The following CRPPA variants were observed in gnomAD, a reference collection of about 807,000 sequenced individuals.
The protein encoded by CRPPA is D-ribitol-5-phosphate cytidylyltransferase.
In CRPPA, 43 loss-of-function variants were observed where a neutral mutation model predicts 52.0. The observed-to-expected ratio is 0.83, with a 90% CI of 0.65 to 1.07. CRPPA has a LOEUF of 1.07. Among genes scored for constraint, CRPPA ranks in the 50% least tolerant of loss-of-function variants. CRPPA has a pLI of 0.00. For synonymous variants in CRPPA, 250 were observed against 203.5 expected, an observed-to-expected ratio of 1.23 and a Z score of -1.94; for missense variants, 629 against 551.7, an observed-to-expected ratio of 1.14 and a Z score of -1.40.
intron 1 of CRPPA, among the ~76,000 whole-genome samples, chr7:16,411,167 A>C (rs1255137039): frequency 1.3e-5 from 2 of 152,160 alleles, no homozygotes; most frequent in African/African-American, 4.8e-5. Context: ...CAATATCTCA[A>C]TATCCATATC....
At chr7:16,259,258 C>T (rs183829084) in intron 6 of CRPPA, among the ~76,000 whole-genome samples, 196 of 152,024 alleles carry the variant, frequency 1.3e-3, no homozygotes, top group Non-Finnish European at 1.9e-3. Context: ...AAAATATGGA[C>T]ATAAACAGAA....
chr7:16,100,426 T>C (rs1055713630), intron 9 of CRPPA, among the ~76,000 whole-genome samples: 3 of 152,204 alleles, frequency 2.0e-5, no homozygotes, highest in African/African-American at 4.8e-5. Flanking sequence ...AACTCAAACA[T>C]AGTACTATGT....
chr7:16,417,622 C>T (rs1306326755), intron 1 of CRPPA, among the ~76,000 whole-genome samples: 2 of 152,100 alleles, frequency 1.3e-5, no homozygotes, highest in African/African-American at 4.8e-5. Flanking sequence ...ACAACAGACA[C>T]TGGGGATCAC....
At chr7:16,348,823 C>T (rs1445012160) in intron 3 of CRPPA, among the ~76,000 whole-genome samples, 1 of 152,204 alleles carries the variant, frequency 6.6e-6, no homozygotes, top group African/African-American at 2.4e-5. Context: ...GGTCTACCCA[C>T]TCTTCTTAGA....
chr7:16,109,078 A>G (rs1032274517), intron 9 of CRPPA, among the ~76,000 whole-genome samples: 3 of 151,914 alleles, frequency 2.0e-5, no homozygotes, highest in African/African-American at 7.2e-5. Context: ...GTGATAATAA[A>G]GATAAGAGCA....
At chr7:16,199,137 C>T (rs147259192) in intron 9 of CRPPA, among the ~76,000 whole-genome samples, 4 of 152,176 alleles carry the variant, frequency 2.6e-5, no homozygotes, top group Non-Finnish European at 4.4e-5. Flanking sequence ...GGACCCCTGA[C>T]GGCTAGTTGA....
chr7:16,412,125 A>G (rs963468900), intron 1 of CRPPA, among the ~76,000 whole-genome samples: 2 of 152,210 alleles, frequency 1.3e-5, no homozygotes, highest in African/African-American at 4.8e-5. Flanking sequence ...AGATGTAAAT[A>G]ATTACAAACA....
At chr7:16,399,291 G>A (rs555202740) in intron 2 of CRPPA, among the ~76,000 whole-genome samples, 3 of 152,040 alleles carry the variant, frequency 2.0e-5, no homozygotes, top group South Asian at 2.1e-4. Context: ...TACGATTGAC[G>A]TGTGATCAAC....
intron 9 of CRPPA, among the ~76,000 whole-genome samples, chr7:16,159,314 C>T (rs776524510): frequency 6.6e-6 from 1 of 152,060 alleles, no homozygotes; most frequent in Non-Finnish European, 1.5e-5. Flanking sequence ...TCCTGGATAG[C>T]AGTGCTTCCC....
At chr7:16,299,701 TAAG>T (rs983144074) in intron 5 of CRPPA, among the ~76,000 whole-genome samples, 1 of 152,192 alleles carries the variant, frequency 6.6e-6, no homozygotes, top group African/African-American at 2.4e-5. Flanking sequence ...TTATCTTTCC[TAAG>T]AATAAAAGTA....
rs1265606398 is a variant in CRPPA at position 16,270,094 on chromosome 7, A to C, written c.933+8035T>G. On this transcript the variant is annotated intron_variant, in intron 6 of 9. Transcript: ENST00000407010. ...CTAAACATATTTACTTTATGTGTAA[A>C]ATCAAAAAATTTCCTGAGTTAAAGG... 7 of 152,264 alleles carry C rather than the reference A, an allele frequency of 4.6e-5. No homozygotes were observed. In the East Asian group the frequency reaches 1.3e-3, roughly 29 times the overall value. The allele number at this position is 152,264 out of a possible 1,614,324, so 9.4% of individuals were successfully genotyped here.
chr7:16,216,841 C>T (rs1782335326), intron 8 of CRPPA, among the ~76,000 whole-genome samples: 2 of 152,208 alleles, frequency 1.3e-5, no homozygotes, highest in Non-Finnish European at 2.9e-5. Context: ...GATCAAACTG[C>T]AAGGCGGCAG....
intron 3 of CRPPA, among the ~76,000 whole-genome samples, chr7:16,368,176 G>A (rs894104506): frequency 2.0e-5 from 3 of 152,296 alleles, no homozygotes; most frequent in Admixed American, 1.3e-4. Flanking sequence ...AAATTGCACA[G>A]AAAAGAATTT....
chr7:16,195,795 A>G (rs1395835337), intron 9 of CRPPA, among the ~76,000 whole-genome samples: 1 of 152,086 alleles, frequency 6.6e-6, no homozygotes, highest in Non-Finnish European at 1.5e-5. Context: ...GCTCAGGTCC[A>G]TTTCTTGCTC....
intron 9 of CRPPA, among the ~76,000 whole-genome samples, chr7:16,136,976 A>G (rs1025103855): frequency 1.3e-5 from 2 of 152,260 alleles, no homozygotes; most frequent in African/African-American, 4.8e-5. Context: ...CAACAAAATC[A>G]AGGTCATATT....
intron 9 of CRPPA, among the ~76,000 whole-genome samples, chr7:16,164,549 G>A (rs1003374113): frequency 4.6e-5 from 7 of 152,110 alleles, no homozygotes; most frequent in African/African-American, 1.7e-4. Context: ...TTGTTCCCTT[G>A]CTGGCGAGGA....
At chr7:16,118,796 C>T (rs1181268354) in intron 9 of CRPPA, among the ~76,000 whole-genome samples, 1 of 152,136 alleles carries the variant, frequency 6.6e-6, no homozygotes. Flanking sequence ...AGTATAAATC[C>T]TAGCATCATG....
intron 8 of CRPPA, among the ~76,000 whole-genome samples, chr7:16,223,570 A>C (rs904363913): frequency 1.3e-5 from 2 of 152,178 alleles, no homozygotes; most frequent in African/African-American, 4.8e-5. Flanking sequence ...GTTCTTCCTA[A>C]TACCATGAAA....
intron 9 of CRPPA, among the ~76,000 whole-genome samples, chr7:16,199,858 T>C (rs953744540): frequency 1.5e-4 from 22 of 149,108 alleles, no homozygotes; most frequent in South Asian, 6.4e-4. Flanking sequence ...CTTTTTCTTT[T>C]TTTTTTTTTT....
Sources: allele counts gnomAD v4.1 joint callset (sites outside exome capture counted in the v4.1 genomes callset), GRCh38; gene constraint gnomAD v4.1.1; transcripts MANE v1.5; gene names NCBI Gene and HGNC (gene_info 2026-07-23, HGNC 2026-07-21).